The following TBCD variants were observed in gnomAD, a reference collection of about 807,000 sequenced individuals.
TBCD encodes tubulin-specific chaperone D.
A neutral mutation model predicts 169.3 loss-of-function variants in TBCD; 105 were observed. The observed-to-expected ratio is 0.62, with a 90% CI of 0.53 to 0.73. The LOEUF (loss-of-function observed/expected upper bound fraction) is 0.73, where lower values mean the gene tolerates loss of function less well. TBCD is among the 30% of genes least tolerant of loss of function. The pLI is 0.00. For missense variants in TBCD, 1,444 were observed against 1,600.1 expected (o/e 0.90, Z 1.66); for synonymous variants, 700 against 643.9 (o/e 1.09, Z -1.32).
At chr17:82,906,312 C>T (rs1453863489) in intron 20 of TBCD, among the ~76,000 whole-genome samples, 6 of 152,366 alleles carry the variant, frequency 3.9e-5, no homozygotes, top group South Asian at 2.1e-4. Flanking sequence ...CATCTCCCCA[C>T]GGCTGTCCTG....
At chr17:82,795,129 A>G (rs1156476675) in intron 7 of TBCD, among the ~76,000 whole-genome samples, 1 of 152,224 alleles carries the variant, frequency 6.6e-6, no homozygotes, top group Non-Finnish European at 1.5e-5. Context: ...ACTACACTTC[A>G]TAGGAATTGA....
At chr17:82,770,956 G>A (rs12938122) in intron 5 of TBCD, among the ~76,000 whole-genome samples, 1 of 147,866 alleles carries the variant, frequency 6.8e-6, no homozygotes, top group Non-Finnish European at 1.5e-5. Flanking sequence ...GGCTGAGGCA[G>A]AGAATTGCTT....
chr17:82,840,771 T>C (rs1436031278), intron 13 of TBCD, among the ~76,000 whole-genome samples: 2 of 152,080 alleles, frequency 1.3e-5, no homozygotes, highest in Non-Finnish European at 1.5e-5. Flanking sequence ...CCACCAAAAC[T>C]GCTTGCTTGC....
chr17:82,814,263 A>G (rs2051683835), intron 12 of TBCD, among the ~76,000 whole-genome samples: 1 of 152,018 alleles, frequency 6.6e-6, no homozygotes. Context: ...CTGTGCTGGG[A>G]TTCCTGTTTT....
chr17:82,829,716 G>A (rs2053303336), intron 13 of TBCD: 1 of 178,052 alleles, frequency 5.6e-6, no homozygotes, highest in Admixed American at 5.4e-5. Context: ...TTTACATATG[G>A]CACTTTAATG....
rs2053493741 is a variant in TBCD, at chr17:82,831,358, T to G, written c.1318+16424T>G. The G allele has an allele frequency of 6.2e-7, 1 of 1,614,018 alleles. No individual in the cohort carries two copies. The highest frequency in any genetic ancestry group is 8.5e-7 in the Non-Finnish European group (1 of 1,179,998). ...GTGTTTTCTGTTGGGGTCCGAAGGG[T>G]TTAACCTGGAAGGACTCGAGGCTGG... On this transcript the variant is annotated intron_variant, in intron 13 of 38. Transcript: ENST00000355528. The surrounding 1 kb of genome is among the most constrained non-coding windows in gnomAD (Gnocchi z 4.6).
intron 35 of TBCD, 174 bp downstream of exon 35, chr17:82,937,534 C>T (rs1270200702): frequency 1.6e-6 from 1 of 644,980 alleles, no homozygotes; most frequent in African/African-American, 1.8e-5. Context: ...GTGAGGCAGC[C>T]CAGGTGCTGG....
At position 82,911,802 on chromosome 17, in the gene TBCD, GCCTTTGCAGCCCTCTGCAGC is replaced by G; in HGVS notation, c.2038+21_2038+40del. The G allele has an allele frequency of 6.2e-7, 1 of 1,613,696 alleles. No homozygotes were observed. Among genetic ancestry groups the G allele is most frequent in the Non-Finnish European group, 8.5e-7 (1 of 1,179,776 alleles). ...ATGAGACAAGCAGGTAAGTCTGAAG[GCCTTTGCAGCCCTCTGCAGC>G]CCTTTGCCGCAGCCATCGTTGAGGG... On this transcript the variant is annotated intron_variant, in intron 23 of 38. Coordinates refer to ENST00000355528, the MANE Select transcript of TBCD (RefSeq NM_005993.5).
chr17:82,778,908 C>T (rs773934071), intron 6 of TBCD, among the ~76,000 whole-genome samples: 4 of 152,158 alleles, frequency 2.6e-5, no homozygotes, highest in Non-Finnish European at 2.9e-5. Flanking sequence ...GTGATCCACC[C>T]GTCTTGACCT....
chr17:82,851,732 C>G (rs7215939), intron 13 of TBCD, among the ~76,000 whole-genome samples: 87,147 of 152,106 alleles, frequency 0.57, 25,154 homozygotes, highest in East Asian at 0.71. Context: ...GACCAATAAA[C>G]GCGTGGCCGA....
rs2049560188 is a variant in TBCD, at chr17:82,789,641, C to T, written c.771+7920C>T. ...TGGCTCACAGACCCGTGATGCCTCA[C>T]TGCCCACGCAGTCACCTTAGAGGCA... On this transcript the variant is annotated intron_variant, in intron 7 of 38. Transcript: ENST00000355528. The surrounding 1 kb of genome is among the most constrained non-coding windows in gnomAD (Gnocchi z 4.8). 6.6e-6 allele frequency among the ~76,000 whole-genome samples: 1 copy of T among 152,254 alleles called. No homozygotes were observed. The highest frequency in any genetic ancestry group is 1.5e-5 in the Non-Finnish European group (1 of 68,044).
intron 33 of TBCD, among the ~76,000 whole-genome samples, chr17:82,932,367 T>C (rs996180958): frequency 6.6e-6 from 1 of 152,188 alleles, no homozygotes; most frequent in Non-Finnish European, 1.5e-5. Context: ...TAAGAAACTG[T>C]GGGTTTACTT....
At chr17:82,777,378 G>A (rs762188592) in intron 6 of TBCD, among the ~76,000 whole-genome samples, 1 of 152,190 alleles carries the variant, frequency 6.6e-6, no homozygotes, top group African/African-American at 2.4e-5. Flanking sequence ...ACAAGACAAA[G>A]AGATAAAAGA....
At position 82,921,609 on chromosome 17, in the gene TBCD, C is replaced by T. The variant is rs777380496; in HGVS notation, c.2178+32C>T. 6.2e-6 allele frequency: 10 copies of T among 1,604,966 alleles called. No individual in the cohort carries two copies. In the African/African-American group the frequency reaches 1.2e-4, roughly 19 times the overall value. On this transcript the variant is annotated intron_variant, in intron 25 of 38. Transcript: ENST00000355528. The stretch of plus-strand genomic sequence containing the variant: ...TGAGCATGGGCGTTCCCGGCCGGCG[C>T]TGTGGCGGTGTTAGTGTGTTAGTCA...
rs2147698100 is a variant in TBCD, at chr17:82,942,738, T to C, written c.*275T>C. ...CTTTTGTCTCTGAGCCTGATGTGTG[T>C]AGGGGTGATGGAAAGGCTCACTGCC... is the stretch of plus-strand genomic sequence containing the variant. On this transcript the variant is annotated 3_prime_UTR_variant, in exon 39 of 39. Coordinates refer to ENST00000355528, the MANE Select transcript of TBCD (RefSeq NM_005993.5). 1.8e-6 allele frequency: 1 copy of C among 549,808 alleles called. No individual in the cohort carries two copies. Among genetic ancestry groups the C allele is most frequent in the East Asian group, 3.2e-5 (1 of 31,672 alleles). 34.1% of individuals were successfully genotyped at this position (549,808 alleles called of 1,614,324 possible). A position where few individuals can be genotyped will look rare whatever the true frequency, so the allele number is the denominator to read the frequency against.
chr17:82,945,305 G>GTAAT lies in TBCD; in HGVS notation c.*2844_*2847dup, dbSNP rs1275313556. 6.6e-6 allele frequency: 1 copy of GTAAT among 152,236 alleles called. No individual in the cohort carries two copies. The highest frequency in any genetic ancestry group is 1.5e-5 in the Non-Finnish European group (1 of 68,050). The allele number at this position is 152,236 out of a possible 1,614,324, so 9.4% of individuals were successfully genotyped here. Reference sequence around the variant, plus strand: ...ACATTGAAGAATGTCTAACCTTTGGGTAATTGGGGTCTCAGAATGAAATGA... The same window carrying GTAAT: ...ACATTGAAGAATGTCTAACCTTTGGGTAATTAATTGGGGTCTCAGAATGAAATGA... On this transcript the variant is annotated 3_prime_UTR_variant, in exon 39 of 39. Transcript: ENST00000355528.
At chr17:82,821,645 G>A (rs1156288488) in intron 13 of TBCD, among the ~76,000 whole-genome samples, 1 of 152,138 alleles carries the variant, frequency 6.6e-6, no homozygotes. Flanking sequence ...CCCCCAGAAG[G>A]TGCAGTCTGT....
At position 82,945,488 on chromosome 17, in the gene TBCD, C is replaced by T. The variant is rs2063633200; in HGVS notation, c.*3025C>T. The T allele has an allele frequency of 6.6e-6, 1 of 152,198 alleles. No homozygotes were observed. Among genetic ancestry groups the T allele is most frequent in the African/African-American group, 2.4e-5 (1 of 41,424 alleles). 9.4% of individuals were successfully genotyped at this position (152,198 alleles called of 1,614,324 possible). ...TCCCAGCAGCAGCACTGGAGTTGAG[C>T]AGTGAGTAGACCAAGGTCTTCATTA... On this transcript the variant is annotated 3_prime_UTR_variant, in exon 39 of 39. Coordinates refer to ENST00000355528, the MANE Select transcript of TBCD (RefSeq NM_005993.5).
chr17:82,919,178 C>T (rs1391951157), intron 23 of TBCD, among the ~76,000 whole-genome samples: 1 of 152,154 alleles, frequency 6.6e-6, no homozygotes, highest in African/African-American at 2.4e-5. Flanking sequence ...CTCCCCTCCT[C>T]TGAGTTTAAA....
Sources: allele counts gnomAD v4.1 joint callset (sites outside exome capture counted in the v4.1 genomes callset), GRCh38; gene constraint gnomAD v4.1.1; non-coding constraint Gnocchi (gnomAD v3.1); transcripts MANE v1.5; gene names NCBI Gene and HGNC (gene_info 2026-07-23, HGNC 2026-07-21).